The following STK32B variants were observed in gnomAD, a reference collection of about 807,000 sequenced individuals.
STK32B encodes serine/threonine kinase 32B.
STK32B carries 43 observed loss-of-function variants against 52.6 expected under a neutral mutation model. The observed-to-expected ratio is 0.82, with a 90% CI of 0.64 to 1.05. The LOEUF (loss-of-function observed/expected upper bound fraction) is 1.05. Ranked by LOEUF, STK32B falls within the 50% of genes least tolerant of loss-of-function variation. The probability of loss-of-function intolerance (pLI) is 0.00; values close to 1 mark genes in which losing one functional copy is unlikely to be tolerated. For missense variants in STK32B, 621 were observed against 534.6 expected, an observed-to-expected ratio of 1.16 and a Z score of -1.59; for synonymous variants, 238 against 204.3, an observed-to-expected ratio of 1.17 and a Z score of -1.41.
At chr4:5,204,669 C>G (rs936716920) in intron 3 of STK32B, among the ~76,000 whole-genome samples, 6 of 151,960 alleles carry the variant, frequency 3.9e-5, no homozygotes, top group African/African-American at 1.2e-4. Flanking sequence ...GGGGTTTCAC[C>G]ATATTGGCCA....
At position 5,466,763 on chromosome 4, in the gene STK32B, C is replaced by T. The variant is rs769949140; in HGVS notation, c.970C>T (p.Pro324Ser). ...ELEEMILESK[P>S]LHKKKKRLAK... ...TGAAGAGATGATTCTAGAATCCAAGCCACTTCACAAAAAGAAGAAGCGATT... is the reference window on the plus strand; with the variant it reads ...TGAAGAGATGATTCTAGAATCCAAGTCACTTCACAAAAAGAAGAAGCGATT... The change falls in exon 10 of 12, where the codon CCA becomes TCA. Residue 324 changes from proline (P) to serine (S), a missense_variant. Physicochemically the swap from Pro to Ser is moderately conservative, Grantham distance 74. Transcript: ENST00000282908. 1.9e-5 allele frequency: 30 copies of T among 1,613,906 alleles called. No individual in the cohort carries two copies. The highest frequency in any genetic ancestry group is 2.4e-5 in the Non-Finnish European group (28 of 1,179,978).
rs765376020 is a variant in STK32B at position 5,453,774 on chromosome 4, G to A, written c.667-3033G>A. Among the ~76,000 whole-genome samples the A allele has an allele frequency of 1.3e-5, 2 of 151,524 alleles. No individual in the cohort carries two copies. The highest frequency in any genetic ancestry group is 3.2e-3 in the Middle Eastern group (1 of 316). On this transcript the variant is annotated intron_variant, in intron 7 of 11. Transcript: ENST00000282908. This position sits in a 1 kb window ranked among gnomAD's most constrained non-coding sequence, Gnocchi z 4.0. ...AAAAAGATTAGTGGGGCATGGTGAC[G>A]CGTGCCTGTAATCCCAGCTACTTGG...
chr4:5,420,780 T>G (rs928234484), intron 6 of STK32B, among the ~76,000 whole-genome samples: 1 of 152,182 alleles, frequency 6.6e-6, no homozygotes, highest in African/African-American at 2.4e-5. Context: ...ATTAGAAGCC[T>G]CCTCTGTATT....
intron 3 of STK32B, among the ~76,000 whole-genome samples, chr4:5,208,346 A>G (rs1722706254): frequency 1.3e-5 from 2 of 152,228 alleles, no homozygotes; most frequent in Admixed American, 1.3e-4. Flanking sequence ...AGAATGATTG[A>G]TCATCAAACA....
chr4:5,065,021 G>C (rs1485187203), intron 1 of STK32B, among the ~76,000 whole-genome samples: 1 of 151,516 alleles, frequency 6.6e-6, no homozygotes, highest in East Asian at 1.9e-4. Context: ...TTCTTTGCAA[G>C]GCTGGCTTCC....
intron 3 of STK32B, among the ~76,000 whole-genome samples, chr4:5,284,866 A>G (rs1213144203): frequency 1.3e-5 from 2 of 152,192 alleles, no homozygotes; most frequent in Non-Finnish European, 2.9e-5. Flanking sequence ...AACCTTGAAT[A>G]ACACCATGGA....
chr4:5,214,387 C>G (rs981779048), intron 3 of STK32B: 1 of 152,196 alleles, frequency 6.6e-6, no homozygotes, highest in Non-Finnish European at 1.5e-5. Flanking sequence ...ATAAATTGCC[C>G]AGTCTCGGGT....
intron 3 of STK32B, among the ~76,000 whole-genome samples, chr4:5,316,249 TATATA>T (rs373603393): frequency 0.08 from 5,506 of 68,702 alleles, 437 homozygotes; most frequent in African/African-American, 0.16. Flanking sequence ...ATATATTGTA[TATATA>T]ATATATTATA....
intron 3 of STK32B, among the ~76,000 whole-genome samples, chr4:5,191,100 CCT>C (rs1297134176): frequency 1.3e-5 from 2 of 152,090 alleles, no homozygotes; most frequent in African/African-American, 4.8e-5. Context: ...CTTCTCTGGC[CCT>C]CTGTTTTCTC....
chr4:5,354,289 G>T (rs931026114), intron 4 of STK32B, among the ~76,000 whole-genome samples: 1 of 152,104 alleles, frequency 6.6e-6, no homozygotes, highest in Admixed American at 6.6e-5. Flanking sequence ...AATTTTAGAT[G>T]GAGTCTCACT....
the STK32B span, chr4:5,019,434 A>C: frequency 4.8e-3 from 7,020 of 1,474,462 alleles, 25 homozygotes; most frequent in Middle Eastern, 7.6e-3. Flanking sequence ...GCAGAGGCCC[A>C]GGCGTCCTCA....
intron 2 of STK32B, among the ~76,000 whole-genome samples, chr4:5,151,940 A>G (rs145638614): frequency 1.3e-5 from 2 of 152,112 alleles, no homozygotes; most frequent in African/African-American, 2.4e-5. Context: ...GTGGTCCCCA[A>G]TTCACTTGAG....
chr4:5,089,831 G>GCGTT (rs1401074661), intron 1 of STK32B, among the ~76,000 whole-genome samples: 1 of 152,146 alleles, frequency 6.6e-6, no homozygotes. Flanking sequence ...CAGTGTAAAA[G>GCGTT]CGTTCGTATT....
At chr4:5,389,071 G>A (rs195136) in intron 4 of STK32B, among the ~76,000 whole-genome samples, 139,859 of 152,276 alleles carry the variant, frequency 0.92, 65,211 homozygotes, top group East Asian at 1. Context: ...AAGCAAGAAG[G>A]AAATGATTTG....
chr4:5,326,035 A>G (rs1731852601), intron 3 of STK32B, among the ~76,000 whole-genome samples: 2 of 152,162 alleles, frequency 1.3e-5, no homozygotes, highest in Admixed American at 1.3e-4. Context: ...TGCTTAAAAT[A>G]TTGTTCTCTT....
At chr4:5,310,913 A>G (rs1039479153) in intron 3 of STK32B, among the ~76,000 whole-genome samples, 23 of 152,204 alleles carry the variant, frequency 1.5e-4, no homozygotes, top group African/African-American at 5.1e-4. Context: ...GATGAACATT[A>G]TGTTAGATAA....
intron 9 of STK32B, among the ~76,000 whole-genome samples, chr4:5,465,594 C>T (rs1717369334): frequency 6.6e-6 from 1 of 152,340 alleles, no homozygotes; most frequent in East Asian, 1.9e-4. Context: ...CATGGTCAGG[C>T]ATCCACCGTT....
At chr4:5,156,171 C>A (rs1355659783) in intron 2 of STK32B, among the ~76,000 whole-genome samples, 1 of 151,532 alleles carries the variant, frequency 6.6e-6, no homozygotes, top group Non-Finnish European at 1.5e-5. Context: ...TACATATACA[C>A]ATATGCATAC....
chr4:5,470,334 G>A lies in STK32B; in HGVS notation c.1106+2264G>A, dbSNP rs1717758973. ...CCATTGAGATTTGGCATCGGGGATT[G>A]GAAGTGAGGCTGGCATAGTTTACCG... On this transcript the variant is annotated intron_variant, in intron 11 of 11. Coordinates refer to ENST00000282908, the MANE Select transcript of STK32B (RefSeq NM_018401.3). The surrounding 1 kb of genome is among the most constrained non-coding windows in gnomAD (Gnocchi z 4.6). 6.6e-6 allele frequency among the ~76,000 whole-genome samples: 1 copy of A among 152,170 alleles called. No homozygotes were observed. The highest frequency in any genetic ancestry group is 2.4e-5 in the African/African-American group (1 of 41,430).
Sources: allele counts gnomAD v4.1 joint callset (sites outside exome capture counted in the v4.1 genomes callset), GRCh38; gene constraint gnomAD v4.1.1; non-coding constraint Gnocchi (gnomAD v3.1); transcripts MANE v1.5; gene names NCBI Gene and HGNC (gene_info 2026-07-23, HGNC 2026-07-21).